RPS6KA2: variants seen among roughly 807,000 people sequenced by gnomAD.
The protein encoded by RPS6KA2 is ribosomal protein S6 kinase A2, also known as ribosomal protein S6 kinase alpha-2.
In RPS6KA2, 42 loss-of-function variants were observed where a neutral mutation model predicts 91.8. The ratio of observed to expected loss-of-function variants is 0.46; its 90% CI spans 0.36 to 0.59. The LOEUF is 0.59. Ranked by LOEUF, RPS6KA2 falls within the 20% of genes least tolerant of loss-of-function variation. The pLI, the probability that RPS6KA2 is intolerant of heterozygous loss-of-function variation, is 0.00. For missense variants in RPS6KA2, 798 were observed against 978.5 expected, an observed-to-expected ratio of 0.82 and a Z score of 2.46; for synonymous variants, 414 against 393.6, an observed-to-expected ratio of 1.05 and a Z score of -0.61.
At chr6:166,816,367 G>A (rs964010062) in intron 2 of RPS6KA2, among the ~76,000 whole-genome samples, 4 of 124,594 alleles carry the variant, frequency 3.2e-5, no homozygotes, top group Admixed American at 1.9e-4. Context: ...TCAACATGGT[G>A]AAACCCCGTC....
intron 1 of RPS6KA2, among the ~76,000 whole-genome samples, chr6:166,581,566 G>A (rs1342231707): frequency 1.3e-5 from 2 of 152,184 alleles, no homozygotes; most frequent in Non-Finnish European, 2.9e-5. Flanking sequence ...CGAGAGGCCG[G>A]CTTCGAGTAT....
intron 2 of RPS6KA2, among the ~76,000 whole-genome samples, chr6:166,656,809 G>A (rs1194764993): frequency 6.6e-6 from 1 of 152,188 alleles, no homozygotes; most frequent in Non-Finnish European, 1.5e-5. Flanking sequence ...AGGTGCCATC[G>A]CCTCCCAGGG....
Position 166,666,428 on chromosome 6 carries a change from G to A in RPS6KA2, c.124-127644C>T, listed in dbSNP as rs1788317512. Reference sequence around the variant, plus strand: ...AGTACCATTTCAAATGCTGTTATGTGTTGTTTATAAAATATAAGGATAATT... The same window carrying A: ...AGTACCATTTCAAATGCTGTTATGTATTGTTTATAAAATATAAGGATAATT... On this transcript the variant is annotated intron_variant, in intron 2 of 21. Transcript: ENST00000503859. The surrounding 1 kb of genome is among the most constrained non-coding windows in gnomAD (Gnocchi z 4.0). Among the ~76,000 whole-genome samples, 1 of 152,186 alleles carries A rather than the reference G, an allele frequency of 6.6e-6. No individual in the cohort carries two copies. Among genetic ancestry groups the A allele is most frequent in the African/African-American group, 2.4e-5 (1 of 41,438 alleles).
chr6:166,706,413 A>G (rs111364390), intron 2 of RPS6KA2, among the ~76,000 whole-genome samples: 2,099 of 152,310 alleles, frequency 0.014, 52 homozygotes, highest in African/African-American at 0.048. Context: ...AAATAAAATG[A>G]GGAGAAGACA....
chr6:166,799,088 G>A (rs1779296612), intron 2 of RPS6KA2, among the ~76,000 whole-genome samples: 1 of 152,206 alleles, frequency 6.6e-6, no homozygotes. Flanking sequence ...AAAAACCAGT[G>A]ACATAGCAAA....
intron 8 of RPS6KA2, among the ~76,000 whole-genome samples, chr6:166,496,627 G>A (rs1244820865): frequency 1.3e-5 from 2 of 152,160 alleles, no homozygotes; most frequent in Non-Finnish European, 2.9e-5. Context: ...TCACCTGAGA[G>A]CCAGGTGGCA....
chr6:166,807,099 T>C (rs970985716), intron 2 of RPS6KA2, among the ~76,000 whole-genome samples: 4 of 152,120 alleles, frequency 2.6e-5, no homozygotes, highest in African/African-American at 9.7e-5. Context: ...GACAAAACGC[T>C]ATAATATAGA....
Position 166,433,085 on chromosome 6 carries a change from C to A in RPS6KA2, c.1333-595G>T, listed in dbSNP as rs1779189391. Reference sequence around the variant, plus strand: ...TGGAGACACGTGTAGGGAGCTCATGCAAGTGCCACCAAATAACAGACTGTG... The same window carrying A: ...TGGAGACACGTGTAGGGAGCTCATGAAAGTGCCACCAAATAACAGACTGTG... On this transcript the variant is annotated intron_variant, in intron 14 of 20. Coordinates refer to ENST00000265678, the MANE Select transcript of RPS6KA2 (RefSeq NM_021135.6). This position sits in a 1 kb window ranked among gnomAD's most constrained non-coding sequence, Gnocchi z 4.4. Among the ~76,000 whole-genome samples, 1 of 149,610 alleles carries A rather than the reference C, an allele frequency of 6.7e-6. No individual in the cohort carries two copies. The highest frequency in any genetic ancestry group is 2.5e-5 in the African/African-American group (1 of 40,534).
intron 1 of RPS6KA2, among the ~76,000 whole-genome samples, chr6:166,587,050 G>T (rs182664447): frequency 1.8e-3 from 274 of 152,350 alleles, no homozygotes; most frequent in African/African-American, 5.8e-3. Flanking sequence ...AGGCCCTTAG[G>T]GCTGGTGGAG....
intron 1 of RPS6KA2, among the ~76,000 whole-genome samples, chr6:166,613,938 G>A (rs910104595): frequency 6.6e-6 from 1 of 152,164 alleles, no homozygotes; most frequent in Non-Finnish European, 1.5e-5. Context: ...GGCCCCAAGA[G>A]CTTTGGGCTC....
At chr6:166,760,129 G>A (rs530671128) in intron 2 of RPS6KA2, among the ~76,000 whole-genome samples, 1 of 152,298 alleles carries the variant, frequency 6.6e-6, no homozygotes, top group African/African-American at 2.4e-5. Context: ...TTGGCTATCT[G>A]TAACCTATTC....
intron 2 of RPS6KA2, among the ~76,000 whole-genome samples, chr6:166,805,748 A>G (rs560701747): frequency 6.6e-6 from 1 of 152,348 alleles, no homozygotes; most frequent in South Asian, 2.1e-4. Context: ...ACAGGAAAAT[A>G]AGGCTCATTC....
At chr6:166,772,701 G>A (rs1337318366) in intron 2 of RPS6KA2, among the ~76,000 whole-genome samples, 1 of 152,158 alleles carries the variant, frequency 6.6e-6, no homozygotes, top group Non-Finnish European at 1.5e-5. Context: ...CAAAGGAAGT[G>A]CCCCACAGAT....
At chr6:166,859,577 T>C (rs1021250175) in intron 1 of RPS6KA2, among the ~76,000 whole-genome samples, 7 of 152,234 alleles carry the variant, frequency 4.6e-5, no homozygotes, top group African/African-American at 1.4e-4. Context: ...GGGTTAATTA[T>C]ATATCTGAAA....
At position 166,626,873 on chromosome 6, in the gene RPS6KA2, GC is replaced by G; in HGVS notation, c.99+47del. ...GGCGAGGCGGGCTCGGGCGACCACG[GC>G]CCGCTCAGTGCCCGGCACCTGCGCG... On this transcript the variant is annotated intron_variant, in intron 1 of 20. Transcript: ENST00000265678. This position sits in a 1 kb window ranked among gnomAD's most constrained non-coding sequence, Gnocchi z 4.1. 1 of 1,399,796 alleles carries G rather than the reference GC, an allele frequency of 7.1e-7. No homozygotes were observed. 86.7% of individuals were successfully genotyped at this position (1,399,796 alleles called of 1,614,324 possible).
intron 2 of RPS6KA2, among the ~76,000 whole-genome samples, chr6:166,857,469 C>T (rs1780935923): frequency 6.6e-6 from 1 of 152,162 alleles, no homozygotes; most frequent in African/African-American, 2.4e-5. Flanking sequence ...GCCAGTGTCT[C>T]CCTGATGGAT....
At position 166,448,736 on chromosome 6, in the gene RPS6KA2, C is replaced by T; in HGVS notation, c.1320G>A (p.Glu440=). ...AGGCCTGCCTTACCTTCACGGCATACTCGGTGTCTGTGGCTTTATGCACAC... is the reference window on the plus strand; with the variant it reads ...AGGCCTGCCTTACCTTCACGGCATATTCGGTGTCTGTGGCTTTATGCACAC... ...KRCVHKATDT[E]YAVKIIDKSK... The change falls in exon 14 of 21, where the codon GAG becomes GAA. Residue 440 remains glutamate, a synonymous_variant. Coordinates refer to ENST00000265678, the MANE Select transcript of RPS6KA2 (RefSeq NM_021135.6). The surrounding 1 kb of genome is among the most constrained non-coding windows in gnomAD (Gnocchi z 4.7). 4.3e-6 allele frequency: 7 copies of T among 1,612,554 alleles called. No individual in the cohort carries two copies. The highest frequency in any genetic ancestry group is 5.9e-6 in the Non-Finnish European group (7 of 1,179,270).
At position 166,412,741 on chromosome 6, in the gene RPS6KA2, C is replaced by T. The variant is rs1270322283; in HGVS notation, c.*21G>A. ...CCCACGAGGATGCTGGCAGGGGACG[C>T]TGGGGCCAGGGTCCCACCCGCTACA... On this transcript the variant is annotated 3_prime_UTR_variant, in exon 21 of 21. Transcript: ENST00000265678. The surrounding 1 kb of genome is among the most constrained non-coding windows in gnomAD (Gnocchi z 4.3). 1.9e-6 allele frequency: 3 copies of T among 1,572,064 alleles called. No homozygotes were observed. Among genetic ancestry groups the T allele is most frequent in the Non-Finnish European group, 2.6e-6 (3 of 1,158,966 alleles).
intron 1 of RPS6KA2, among the ~76,000 whole-genome samples, chr6:166,606,045 A>T (rs3799581): frequency 1.3e-5 from 2 of 152,184 alleles, no homozygotes; most frequent in Non-Finnish European, 2.9e-5. Context: ...CAAAGGCAGC[A>T]TAATGCCGCC....
Sources: gnomAD v4.1 joint callset for allele counts (sites outside exome capture counted in the v4.1 genomes callset) on GRCh38, gnomAD v4.1.1 for gene constraint, Gnocchi (gnomAD v3.1) non-coding constraint, MANE v1.5 for transcripts, NCBI Gene and HGNC (gene_info 2026-07-23, HGNC 2026-07-21) for gene names.